The following PITPNC1 variants were observed in gnomAD, a reference collection of about 807,000 sequenced individuals.
The protein encoded by PITPNC1 is cytoplasmic phosphatidylinositol transfer protein 1.
A neutral mutation model predicts 44.7 loss-of-function variants in PITPNC1; 18 were observed. That is an observed-to-expected ratio of 0.40 (90% CI 0.28 to 0.60). The LOEUF is 0.60. Ranked by LOEUF, PITPNC1 falls within the 20% of genes least tolerant of loss-of-function variation. The pLI is 0.39. For synonymous variants in PITPNC1, 141 were observed against 149.6 expected (o/e 0.94, Z 0.42); for missense variants, 290 against 418.4 (o/e 0.69, Z 2.68).
At chr17:67,512,753 T>G (rs1370464226) in intron 1 of PITPNC1, among the ~76,000 whole-genome samples, 1 of 151,870 alleles carries the variant, frequency 6.6e-6, no homozygotes, top group African/African-American at 2.4e-5. Context: ...ATACATTTAA[T>G]TTTTGAGAAT....
rs540532994 is a variant in PITPNC1 at position 67,495,271 on chromosome 17, G to T, written c.49-37531G>T. On this transcript the variant is annotated intron_variant, in intron 1 of 8. Coordinates refer to ENST00000581322, the MANE Select transcript of PITPNC1 (RefSeq NM_012417.4). ...GATGGGGTTTCATCATGTTAGCCAG[G>T]ATGGTCTAGATCTCCTTACCTCATG... 2.0e-5 allele frequency among the ~76,000 whole-genome samples: 3 copies of T among 151,912 alleles called. No individual in the cohort carries two copies. The East Asian group carries it at 5.8e-4, about 30-fold the overall frequency.
At chr17:67,616,943 G>C (rs997329683) in intron 5 of PITPNC1, among the ~76,000 whole-genome samples, 2 of 152,090 alleles carry the variant, frequency 1.3e-5, no homozygotes, top group African/African-American at 4.8e-5. Flanking sequence ...TTTATCTGTT[G>C]TTTTGAATTT....
Position 67,692,877 on chromosome 17 carries a change from A to G in PITPNC1, c.988A>G (p.Lys330Glu). ...CTCTTCAGATAAGCCATGTCGGCCC[A>G]AATCTGAGTAACTTTATATAAATAT... ...MHSSDKPCRP[K>E]SE The change falls in exon 9 of 9, where the codon AAA becomes GAA. Residue 330 changes from lysine to glutamate, a missense_variant. Coordinates refer to ENST00000581322, the MANE Select transcript of PITPNC1 (RefSeq NM_012417.4). The G allele has an allele frequency of 6.3e-7, 1 of 1,588,226 alleles. No homozygotes were observed. Among genetic ancestry groups the G allele is most frequent in the Admixed American group, 1.7e-5 (1 of 58,418 alleles).
intron 7 of PITPNC1, among the ~76,000 whole-genome samples, chr17:67,674,198 A>G (rs1388330051): frequency 1.3e-5 from 2 of 151,922 alleles, no homozygotes. Context: ...TTATTTTAAA[A>G]TGTACAATTA....
At chr17:67,565,243 TC>T (rs1206630795) in intron 4 of PITPNC1, among the ~76,000 whole-genome samples, 2 of 152,124 alleles carry the variant, frequency 1.3e-5, no homozygotes, top group Non-Finnish European at 2.9e-5. Context: ...ATACTAATTT[TC>T]CATGGTTTTC....
intron 1 of PITPNC1, among the ~76,000 whole-genome samples, chr17:67,477,164 C>G (rs945889390): frequency 1.3e-5 from 2 of 151,934 alleles, no homozygotes; most frequent in African/African-American, 4.8e-5. Context: ...CAGCCTCTAC[C>G]TTCTGGGCTC....
chr17:67,546,894 C>T (rs1315242465), intron 2 of PITPNC1, among the ~76,000 whole-genome samples: 2 of 152,204 alleles, frequency 1.3e-5, no homozygotes, highest in African/African-American at 4.8e-5. Flanking sequence ...CCAGCCAGAA[C>T]AATCACTTAG....
intron 8 of PITPNC1, 29 bp from the exon 9 acceptor site, chr17:67,692,543 C>G (rs752812741): frequency 2.0e-6 from 3 of 1,535,554 alleles, no homozygotes; most frequent in African/African-American, 2.7e-5. Context: ...AATAACTGCT[C>G]GTTTTTCTTT....
At chr17:67,462,965 G>A (rs545639803) in intron 1 of PITPNC1, among the ~76,000 whole-genome samples, 127 of 152,360 alleles carry the variant, frequency 8.3e-4, no homozygotes, top group African/African-American at 3.0e-3. Context: ...GCCTCCCAAA[G>A]TGCTAGGATT....
At chr17:67,627,509 A>G (rs1013875619) in intron 5 of PITPNC1, among the ~76,000 whole-genome samples, 1 of 152,222 alleles carries the variant, frequency 6.6e-6, no homozygotes, top group Admixed American at 6.5e-5. Context: ...TTAGCTATTC[A>G]ACAGAGGAAC....
At chr17:67,535,704 A>G (rs1351123268) in intron 2 of PITPNC1, among the ~76,000 whole-genome samples, 1 of 152,244 alleles carries the variant, frequency 6.6e-6, no homozygotes, top group Non-Finnish European at 1.5e-5. Flanking sequence ...ACAGGATGAA[A>G]TATAACTATG....
At chr17:67,384,009 C>T (rs1484881934) in intron 1 of PITPNC1, among the ~76,000 whole-genome samples, 1 of 152,124 alleles carries the variant, frequency 6.6e-6, no homozygotes, top group East Asian at 1.9e-4. Flanking sequence ...CGCACTCCAG[C>T]CTGGGCAACA....
Position 67,692,735 on chromosome 17 carries a change from A to C in PITPNC1, c.846A>C (p.Thr282=), listed in dbSNP as rs543432687. Residue 282 remains threonine, a synonymous_variant, in exon 9 of 9, where the codon ACA becomes ACC. Coordinates refer to ENST00000581322, the MANE Select transcript of PITPNC1 (RefSeq NM_012417.4). ...PSSAPSTPLS[T]DAPEFLSVPK... is the part of the protein sequence containing the mutation. ...GTGCTCCATCCACCCCTCTCTCCAC[A>C]GACGCACCCGAATTTCTGTCCGTTC... The C allele has an allele frequency of 2.6e-5, 42 of 1,613,844 alleles. No homozygotes were observed. In the African/African-American group the frequency reaches 5.3e-4, roughly 21 times the overall value.
intron 1 of PITPNC1, among the ~76,000 whole-genome samples, chr17:67,520,012 G>A (rs2040305790): frequency 6.6e-6 from 1 of 152,160 alleles, no homozygotes; most frequent in Admixed American, 6.5e-5. Context: ...GCTTCTCTTT[G>A]CATTTCCTTT....
At chr17:67,509,935 G>A (rs1288269358) in intron 1 of PITPNC1, among the ~76,000 whole-genome samples, 4 of 152,138 alleles carry the variant, frequency 2.6e-5, no homozygotes, top group Non-Finnish European at 4.4e-5. Flanking sequence ...GAAAAGAAAC[G>A]TCTAGAACAC....
intron 4 of PITPNC1, among the ~76,000 whole-genome samples, chr17:67,562,119 A>G (rs192412438): frequency 1.7e-4 from 26 of 152,354 alleles, no homozygotes; most frequent in African/African-American, 6.0e-4. Flanking sequence ...CCCATTCAGA[A>G]AACATGCTTT....
chr17:67,604,520 C>G (rs1299004902), intron 5 of PITPNC1, among the ~76,000 whole-genome samples: 1 of 152,240 alleles, frequency 6.6e-6, no homozygotes, highest in Non-Finnish European at 1.5e-5. Context: ...CGGTCACTCA[C>G]GCCTGTAATC....
chr17:67,566,379 T>A (rs2040981851), intron 4 of PITPNC1, among the ~76,000 whole-genome samples: 1 of 152,130 alleles, frequency 6.6e-6, no homozygotes, highest in Admixed American at 6.5e-5. Context: ...AATTTTTGTA[T>A]TTTTAGTAGA....
chr17:67,657,069 G>A (rs1368253978), intron 6 of PITPNC1, among the ~76,000 whole-genome samples: 1 of 152,100 alleles, frequency 6.6e-6, no homozygotes, highest in Non-Finnish European at 1.5e-5. Flanking sequence ...GAGGAGGAGG[G>A]GGTAGAATGT....
Sources: allele counts gnomAD v4.1 joint callset (sites outside exome capture counted in the v4.1 genomes callset), GRCh38; gene constraint gnomAD v4.1.1; transcripts MANE v1.5; gene names NCBI Gene and HGNC (gene_info 2026-07-23, HGNC 2026-07-21).